Variants in WWC2 observed in about 807,000 individuals in gnomAD.
WWC2 encodes the protein protein WWC2.
A neutral mutation model predicts 138.5 loss-of-function variants in WWC2; 101 were observed. That is an observed-to-expected ratio of 0.73 (90% CI 0.62 to 0.86). WWC2 has a LOEUF of 0.86. Ranked by LOEUF, WWC2 falls within the 40% of genes least tolerant of loss-of-function variation. The pLI is 0.00. For missense variants in WWC2, 1,420 were observed against 1,419.4 expected (o/e 1.00, Z -0.01); for synonymous variants, 558 against 538.4 (o/e 1.04, Z -0.50).
chr4:183,188,392 C>A (rs986087092), intron 1 of WWC2, among the ~76,000 whole-genome samples: 1 of 151,986 alleles, frequency 6.6e-6, no homozygotes, highest in Non-Finnish European at 1.5e-5. Context: ...TGCCCACCAC[C>A]ACACCTGGCT....
chr4:183,113,846 G>A (rs1395035237), intron 1 of WWC2, among the ~76,000 whole-genome samples: 1 of 151,798 alleles, frequency 6.6e-6, no homozygotes, highest in African/African-American at 2.4e-5. Flanking sequence ...TTGGCAGTGG[G>A]AAGCAGTGAG....
At chr4:183,142,283 T>C (rs1311186584) in intron 1 of WWC2, among the ~76,000 whole-genome samples, 1 of 152,232 alleles carries the variant, frequency 6.6e-6, no homozygotes, top group African/African-American at 2.4e-5. Context: ...TTAATGTGAA[T>C]AAGGTCCAGA....
intron 1 of WWC2, among the ~76,000 whole-genome samples, chr4:183,168,935 G>T (rs1734199659): frequency 6.6e-6 from 1 of 151,864 alleles, no homozygotes; most frequent in Admixed American, 6.6e-5. Context: ...CACAACCTCT[G>T]CCTCCCGGGG....
intron 1 of WWC2, among the ~76,000 whole-genome samples, chr4:183,177,077 A>T (rs1001607839): frequency 2.0e-5 from 3 of 152,174 alleles, no homozygotes; most frequent in South Asian, 2.1e-4. Flanking sequence ...AGTCATGGGG[A>T]GGTAGGAAGG....
At chr4:183,139,019 A>T (rs1733209246) in intron 1 of WWC2, among the ~76,000 whole-genome samples, 1 of 152,194 alleles carries the variant, frequency 6.6e-6, no homozygotes. Flanking sequence ...AGATGTGGGA[A>T]TTGGAAGAGT....
At chr4:183,221,872 A>G (rs951102520) in intron 4 of WWC2, among the ~76,000 whole-genome samples, 5 of 152,230 alleles carry the variant, frequency 3.3e-5, no homozygotes, top group South Asian at 2.1e-4. Context: ...CATATTTAAC[A>G]TACTATCTAG....
rs548405750 is a variant in WWC2, at chr4:183,292,681, A to T, written c.3384+3046A>T. On this transcript the variant is annotated intron_variant, in intron 21 of 22. Coordinates refer to ENST00000403733, the MANE Select transcript of WWC2 (RefSeq NM_024949.6). ...TATAAGTTCTGGATGCTTTGTACAA[A>T]TTCTGCCACACTTTCAAAAAAGAAA... 2.0e-5 allele frequency among the ~76,000 whole-genome samples: 3 copies of T among 152,320 alleles called. No individual in the cohort carries two copies. In the South Asian group the frequency reaches 6.2e-4, roughly 32 times the overall value.
At chr4:183,239,467 T>C (rs1185654913) in intron 4 of WWC2, among the ~76,000 whole-genome samples, 1 of 152,236 alleles carries the variant, frequency 6.6e-6, no homozygotes, top group African/African-American at 2.4e-5. Context: ...GAATTGTTAT[T>C]ACCAAAGTAT....
rs1732172606 is a variant in WWC2, at chr4:183,109,844, CAT to C, written c.131+10223_131+10224del. 3.3e-5 allele frequency among the ~76,000 whole-genome samples: 5 copies of C among 152,130 alleles called. No individual in the cohort carries two copies. The South Asian group carries it at 1.0e-3, about 31-fold the overall frequency. On this transcript the variant is annotated intron_variant, in intron 1 of 22. Coordinates refer to ENST00000403733, the MANE Select transcript of WWC2 (RefSeq NM_024949.6). ...GAATTTGAGGAGCTGTCTTGTATCTCATGTTACTTTTTTTTTTGTTTTTAAAA... is the reference window on the plus strand; with the variant it reads ...GAATTTGAGGAGCTGTCTTGTATCTCGTTACTTTTTTTTTTGTTTTTAAAA...
At chr4:183,108,677 C>G (rs1469591133) in intron 1 of WWC2, among the ~76,000 whole-genome samples, 1 of 151,740 alleles carries the variant, frequency 6.6e-6, no homozygotes, top group Non-Finnish European at 1.5e-5. Context: ...GTGTTGTGAT[C>G]TCGGCTCACT....
At chr4:183,128,690 T>A (rs1732835154) in intron 1 of WWC2, among the ~76,000 whole-genome samples, 1 of 152,202 alleles carries the variant, frequency 6.6e-6, no homozygotes, top group South Asian at 2.1e-4. Flanking sequence ...AGTTGTATAA[T>A]CAGGGCCAGC....
intron 20 of WWC2, 80 bp from the exon 21 acceptor site, chr4:183,289,313 A>T: frequency 6.6e-7 from 1 of 1,524,496 alleles, no homozygotes; most frequent in Admixed American, 2.0e-5. Context: ...ACCATCCATC[A>T]TGCGCCAGGA....
intron 7 of WWC2, among the ~76,000 whole-genome samples, chr4:183,249,272 T>C (rs554131589): frequency 1.3e-5 from 2 of 152,336 alleles, no homozygotes; most frequent in East Asian, 3.9e-4. Flanking sequence ...CTTAATTGAT[T>C]ATATTAAAAT....
At position 183,108,614 on chromosome 4, in the gene WWC2, A is replaced by AT. The variant is rs1164937428; in HGVS notation, c.131+9006dup. Among the ~76,000 whole-genome samples the AT allele has an allele frequency of 3.1e-3, 454 of 145,646 alleles. 2 individuals carry two copies. The highest frequency in any genetic ancestry group is 8.2e-3 in the African/African-American group (326 of 39,904). On this transcript the variant is annotated intron_variant, in intron 1 of 22. Coordinates refer to ENST00000403733, the MANE Select transcript of WWC2 (RefSeq NM_024949.6). ...GAATAAGGTATGGATTGTAGTTAAA[A>AT]TTTTTTTTTTTTTTGAGACACAGCC...
intron 1 of WWC2, among the ~76,000 whole-genome samples, chr4:183,132,539 C>T (rs963391642): frequency 3.3e-5 from 5 of 151,656 alleles, no homozygotes; most frequent in African/African-American, 9.7e-5. Context: ...CTGCAAGCTC[C>T]GCCTCCCGGG....
intron 2 of WWC2, among the ~76,000 whole-genome samples, chr4:183,199,445 C>T (rs1296158690): frequency 2.0e-5 from 3 of 152,158 alleles, no homozygotes; most frequent in East Asian, 1.9e-4. Context: ...TTGTGTTCTG[C>T]GTACATCTAT....
intron 4 of WWC2, among the ~76,000 whole-genome samples, chr4:183,238,752 T>C (rs1408768365): frequency 1.3e-5 from 2 of 152,204 alleles, no homozygotes; most frequent in African/African-American, 4.8e-5. Context: ...AATTAGGATC[T>C]GTTCTCTTGG....
Position 183,260,996 on chromosome 4 carries a change from G to A in WWC2, c.1373G>A (p.Arg458Lys), listed in dbSNP as rs1185136795. ...CGGGGCTCTCTGAACACCTCCAGCAGAGGGTCACTCAACTCCCTCAGTTCC... is the reference window on the plus strand; with the variant it reads ...CGGGGCTCTCTGAACACCTCCAGCAAAGGGTCACTCAACTCCCTCAGTTCC... ...SSRGSLNTSS[R>K]GSLNSLSSTE... The change falls in exon 11 of 23, where the codon AGA becomes AAA. Residue 458 changes from arginine to lysine, a missense_variant. Arg to Lys is a conservative substitution (Grantham distance 26). Coordinates refer to ENST00000403733, the MANE Select transcript of WWC2 (RefSeq NM_024949.6). The A allele has an allele frequency of 1.9e-6, 3 of 1,613,900 alleles. No homozygotes were observed. The African/African-American group carries it at 4.0e-5, about 22-fold the overall frequency.
intron 1 of WWC2, among the ~76,000 whole-genome samples, chr4:183,191,264 AG>A (rs1319057164): frequency 6.6e-6 from 1 of 152,190 alleles, no homozygotes; most frequent in African/African-American, 2.4e-5. Flanking sequence ...CACAATTCTA[AG>A]AATAAAATGT....
Sources: allele counts gnomAD v4.1 joint callset (sites outside exome capture counted in the v4.1 genomes callset), GRCh38; gene constraint gnomAD v4.1.1; transcripts MANE v1.5; gene names NCBI Gene and HGNC (gene_info 2026-07-23, HGNC 2026-07-21).